Variants in XKR6 observed in about 807,000 individuals in gnomAD.
XKR6 encodes the protein XK related 6.
In XKR6, 22 loss-of-function variants were observed where a neutral mutation model predicts 56.7. That is an observed-to-expected ratio of 0.39 (90% CI 0.28 to 0.55). The LOEUF is 0.55. Ranked by LOEUF, XKR6 falls within the 20% of genes least tolerant of loss-of-function variation. The pLI is 0.66. For missense variants in XKR6, 852 were observed against 889.0 expected, an observed-to-expected ratio of 0.96 and a Z score of 0.53; for synonymous variants, 524 against 387.8, an observed-to-expected ratio of 1.35 and a Z score of -4.13.
chr8:11,064,986 G>C (rs530655075), intron 1 of XKR6, among the ~76,000 whole-genome samples: 28 of 152,166 alleles, frequency 1.8e-4, no homozygotes, highest in Non-Finnish European at 3.7e-4. Flanking sequence ...GAAAGTCTTT[G>C]AACTACTTTA....
At chr8:11,081,259 T>A (rs1797712927) in intron 1 of XKR6, among the ~76,000 whole-genome samples, 1 of 152,204 alleles carries the variant, frequency 6.6e-6, no homozygotes, top group Non-Finnish European at 1.5e-5. Context: ...GGACTTTACC[T>A]TTAGCTTGAC....
chr8:11,030,692 C>G (rs974864679), intron 1 of XKR6, among the ~76,000 whole-genome samples: 1 of 152,092 alleles, frequency 6.6e-6, no homozygotes, highest in Non-Finnish European at 1.5e-5. Flanking sequence ...GCAGCAGGTT[C>G]CCCTAGGACA....
chr8:11,122,866 A>G (rs1799521879), intron 1 of XKR6, among the ~76,000 whole-genome samples: 1 of 152,214 alleles, frequency 6.6e-6, no homozygotes, highest in Admixed American at 6.5e-5. Context: ...TAGACAGGAA[A>G]AAGTAACACA....
intron 1 of XKR6, among the ~76,000 whole-genome samples, chr8:10,972,987 A>G (rs1423854320): frequency 6.6e-6 from 1 of 152,210 alleles, no homozygotes; most frequent in Non-Finnish European, 1.5e-5. Context: ...TGAACTGTTC[A>G]TGGTGTTTGG....
At chr8:11,003,618 T>C (rs1258368799) in intron 1 of XKR6, among the ~76,000 whole-genome samples, 1 of 152,194 alleles carries the variant, frequency 6.6e-6, no homozygotes, top group Non-Finnish European at 1.5e-5. Flanking sequence ...GGAATTATTA[T>C]CTTCATTTTA....
intron 1 of XKR6, among the ~76,000 whole-genome samples, chr8:11,163,896 A>T (rs191812931): frequency 1.6e-3 from 245 of 152,310 alleles, no homozygotes; most frequent in African/African-American, 5.7e-3. Flanking sequence ...TCCCTGCCCC[A>T]GCCCTCACTG....
Position 11,200,459 on chromosome 8 carries a change from G to T in XKR6, c.764+117C>A, listed in dbSNP as rs1309888037. ...GAGACGCCAGGGGCGGCGCGCGGCC[G>T]GTCCCTCCTTCGAGCCCCCCGCGCT... On this transcript the variant is annotated intron_variant, in intron 1 of 2. Coordinates refer to ENST00000416569, the MANE Select transcript of XKR6 (RefSeq NM_173683.4). The surrounding 1 kb of genome is among the most constrained non-coding windows in gnomAD (Gnocchi z 6.4). 1 of 1,253,474 alleles carries T rather than the reference G, an allele frequency of 8.0e-7. No individual in the cohort carries two copies. The highest frequency in any genetic ancestry group is 1.6e-5 in the African/African-American group (1 of 63,304). The allele number at this position is 1,253,474 out of a possible 1,614,324, so 77.6% of individuals were successfully genotyped here. A position where few individuals can be genotyped will look rare whatever the true frequency, so the allele number is the denominator to read the frequency against.
intron 1 of XKR6, among the ~76,000 whole-genome samples, chr8:11,018,980 C>T (rs1411273092): frequency 1.3e-5 from 2 of 152,164 alleles, no homozygotes; most frequent in Non-Finnish European, 2.9e-5. Flanking sequence ...ACCCTAGCTC[C>T]GTGTTCACTT....
chr8:10,964,542 G>T (rs1802159794), intron 1 of XKR6, among the ~76,000 whole-genome samples: 1 of 152,208 alleles, frequency 6.6e-6, no homozygotes. Flanking sequence ...ACTTCAGTCA[G>T]CGAAAATGGC....
chr8:10,984,853 A>G (rs951468781), intron 1 of XKR6, among the ~76,000 whole-genome samples: 3 of 151,288 alleles, frequency 2.0e-5, no homozygotes, highest in Non-Finnish European at 4.4e-5. Context: ...GGAAGTCCCA[A>G]CATTGTAAAG....
chr8:10,938,268 G>A (rs989408270), intron 1 of XKR6, among the ~76,000 whole-genome samples: 9 of 152,148 alleles, frequency 5.9e-5, no homozygotes, highest in Non-Finnish European at 1.0e-4. Context: ...CTCGCGCACG[G>A]TGCGCGCACC....
intron 1 of XKR6, among the ~76,000 whole-genome samples, chr8:11,101,498 TAA>T (rs1798481596): frequency 6.6e-6 from 1 of 151,062 alleles, no homozygotes; most frequent in African/African-American, 2.5e-5. Flanking sequence ...TTTTTTATGA[TAA>T]AAAGTTGTCT....
intron 1 of XKR6, among the ~76,000 whole-genome samples, chr8:10,965,683 TCCGGCAGCTGCAGGGTGTTA>T (rs1802200358): frequency 6.6e-6 from 1 of 152,190 alleles, no homozygotes; most frequent in Non-Finnish European, 1.5e-5. Flanking sequence ...TCTCTCTCTT[TCCGGCAGCTGCAGGGTGTTA>T]CCGGGGCAAC....
chr8:10,910,220 G>A (rs1800311151), intron 2 of XKR6, among the ~76,000 whole-genome samples: 1 of 152,014 alleles, frequency 6.6e-6, no homozygotes, highest in Non-Finnish European at 1.5e-5. Context: ...AGAATGACTT[G>A]GCCCCAAATA....
intron 1 of XKR6, among the ~76,000 whole-genome samples, chr8:11,060,728 G>C (rs966386849): frequency 1.1e-4 from 16 of 152,234 alleles, no homozygotes; most frequent in African/African-American, 3.6e-4. Flanking sequence ...CAAATGCTGA[G>C]TTTGGTGTTT....
rs115480241 is a variant in XKR6 at position 11,063,760 on chromosome 8, T to C, written c.764+136816A>G. On this transcript the variant is annotated intron_variant, in intron 1 of 2. Transcript: ENST00000416569. ...TCCTGATACGCTTGGCTCAGTAACA[T>C]TTTTTGGAATCCCCCCATTCTCTTT... Among the ~76,000 whole-genome samples, 535 of 152,250 alleles carry C rather than the reference T, an allele frequency of 3.5e-3. 3 individuals carry two copies. Among genetic ancestry groups the C allele is most frequent in the African/African-American group, 0.012 (503 of 41,550 alleles).
intron 2 of XKR6, among the ~76,000 whole-genome samples, chr8:10,914,966 C>T: frequency 6.6e-6 from 1 of 152,228 alleles, no homozygotes; most frequent in East Asian, 1.9e-4. Flanking sequence ...GCCTGGCCGC[C>T]TCCCCTCCTG....
chr8:11,122,667 T>G (rs1321587106), intron 1 of XKR6, among the ~76,000 whole-genome samples: 1 of 152,248 alleles, frequency 6.6e-6, no homozygotes, highest in Non-Finnish European at 1.5e-5. Flanking sequence ...AATGTAATTG[T>G]TCTTCAAAAA....
At chr8:11,012,978 C>T (rs1165078239) in intron 1 of XKR6, among the ~76,000 whole-genome samples, 3 of 152,176 alleles carry the variant, frequency 2.0e-5, no homozygotes, top group African/African-American at 4.8e-5. Flanking sequence ...GTCATGAGAG[C>T]TCTAACAAGA....
Sources: gnomAD v4.1 joint callset for allele counts (sites outside exome capture counted in the v4.1 genomes callset) on GRCh38, gnomAD v4.1.1 for gene constraint, Gnocchi (gnomAD v3.1) non-coding constraint, MANE v1.5 for transcripts, NCBI Gene and HGNC (gene_info 2026-07-23, HGNC 2026-07-21) for gene names.